Variants in PSMA5 observed in about 807,000 individuals in gnomAD.
PSMA5 encodes proteasome 20S subunit alpha 5, also known as proteasome subunit alpha type-5.
A neutral mutation model predicts 34.5 loss-of-function variants in PSMA5; 3 were observed. That is an observed-to-expected ratio of 0.09 (90% CI 0.04 to 0.22). PSMA5 has a LOEUF of 0.22. Among genes scored for constraint, PSMA5 ranks in the 10% least tolerant of loss-of-function variants. The pLI is 1.00. For synonymous variants in PSMA5, 88 were observed against 95.8 expected, an observed-to-expected ratio of 0.92 and a Z score of 0.47; for missense variants, 120 against 286.1, an observed-to-expected ratio of 0.42 and a Z score of 4.19.
At chr1:109,423,475 C>T (rs1326301904) in intron 1 of PSMA5, among the ~76,000 whole-genome samples, 1 of 152,256 alleles carries the variant, frequency 6.6e-6, no homozygotes, top group African/African-American at 2.4e-5. Context: ...TCTTTCCTAA[C>T]TAATTTAAAT....
intron 7 of PSMA5, 56 bp downstream of exon 7, chr1:109,410,955 T>C (rs1294025103): frequency 1.5e-6 from 2 of 1,297,370 alleles, no homozygotes; most frequent in East Asian, 2.5e-5. Context: ...CATTTTATTA[T>C]ATGTAAATTA....
intron 8 of PSMA5, among the ~76,000 whole-genome samples, chr1:109,402,731 G>A (rs1234862659): frequency 6.6e-6 from 1 of 152,158 alleles, no homozygotes; most frequent in African/African-American, 2.4e-5. Context: ...TTGAGATGGA[G>A]TTTCGCTCTT....
At chr1:109,415,196 C>T (rs373935462) in intron 3 of PSMA5, 41 bp downstream of exon 3, 5 of 1,595,892 alleles carry the variant, frequency 3.1e-6, no homozygotes, top group Non-Finnish European at 4.3e-6. Context: ...ACTAATTAAC[C>T]CAGACCAGAT....
intron 4 of PSMA5, 58 bp downstream of exon 4, chr1:109,413,010 T>A: frequency 7.0e-7 from 1 of 1,430,262 alleles, no homozygotes; most frequent in Non-Finnish European, 9.9e-7. Flanking sequence ...GGCAGCTAGA[T>A]AATCACTAAA....
At chr1:109,409,371 G>A (rs1008808376) in intron 8 of PSMA5, among the ~76,000 whole-genome samples, 1 of 152,060 alleles carries the variant, frequency 6.6e-6, no homozygotes, top group African/African-American at 2.4e-5. Flanking sequence ...TGGCCAGACT[G>A]GTCTCGAACT....
intron 2 of PSMA5, among the ~76,000 whole-genome samples, chr1:109,416,507 T>C (rs998340209): frequency 6.6e-6 from 1 of 152,238 alleles, no homozygotes; most frequent in African/African-American, 2.4e-5. Flanking sequence ...AAGCCTTCCA[T>C]GACTATGCTT....
chr1:109,426,096 G>C, intron 1 of PSMA5: 1 of 644,652 alleles, frequency 1.6e-6, no homozygotes, highest in Non-Finnish European at 2.7e-6. Context: ...TAGGACCCAG[G>C]GGTGACTCAG....
intron 8 of PSMA5, among the ~76,000 whole-genome samples, chr1:109,406,429 T>C (rs1259714799): frequency 1.3e-5 from 2 of 152,146 alleles, no homozygotes; most frequent in Non-Finnish European, 2.9e-5. Context: ...GTATAGTCCC[T>C]ATAATCACCT....
rs2100945415 is a variant in PSMA5, at chr1:109,399,422, T to G, written c.*2591A>C. The G allele has an allele frequency of 6.6e-6, 1 of 151,038 alleles. No individual in the cohort carries two copies. Among genetic ancestry groups the G allele is most frequent in the Middle Eastern group, 3.4e-3 (1 of 292 alleles). 9.4% of individuals were successfully genotyped at this position (151,038 alleles called of 1,614,324 possible). On this transcript the variant is annotated 3_prime_UTR_variant, in exon 9 of 9. Coordinates refer to ENST00000271308, the MANE Select transcript of PSMA5 (RefSeq NM_002790.4). The stretch of plus-strand genomic sequence containing the variant: ...ACTATGGGAGTAGATCACAAGACAG[T>G]CAGTTCCAGTAGCATGTGATTAGGT...
intron 8 of PSMA5, among the ~76,000 whole-genome samples, chr1:109,409,089 T>C (rs10745355): frequency 0.7 from 106,297 of 152,114 alleles, 37,698 homozygotes; most frequent in East Asian, 0.96. Flanking sequence ...TATCTTCTGC[T>C]GACACTAATC....
chr1:109,405,445 A>AC (rs1553203813), intron 8 of PSMA5, among the ~76,000 whole-genome samples: 3 of 108,010 alleles, frequency 2.8e-5, no homozygotes, highest in Non-Finnish European at 5.4e-5. Context: ...AAGTCAGAAA[A>AC]GGTTTTTTTT....
rs1201380207 is a variant in PSMA5 at position 109,399,130 on chromosome 1, AC to A, written c.*2882del. On this transcript the variant is annotated 3_prime_UTR_variant, in exon 9 of 9. Coordinates refer to ENST00000271308, the MANE Select transcript of PSMA5 (RefSeq NM_002790.4). ...AGAGCAAAATGATACAATGCACCCA[AC>A]CCGATATTTACATTAAAATATTTCC... 4.6e-5 allele frequency: 7 copies of A among 152,352 alleles called. No homozygotes were observed. The East Asian group carries it at 9.6e-4, about 21-fold the overall frequency. 9.4% of individuals were successfully genotyped at this position (152,352 alleles called of 1,614,324 possible). A position where few individuals can be genotyped will look rare whatever the true frequency, so the allele number is the denominator to read the frequency against.
rs1227778700 is a variant in PSMA5, at chr1:109,400,370, TC to T, written c.*1642del. The T allele has an allele frequency of 6.6e-6, 1 of 152,258 alleles. No individual in the cohort carries two copies. The highest frequency in any genetic ancestry group is 1.5e-5 in the Non-Finnish European group (1 of 68,048). The allele number at this position is 152,258 out of a possible 1,614,324, so 9.4% of individuals were successfully genotyped here. A position where few individuals can be genotyped will look rare whatever the true frequency, so the allele number is the denominator to read the frequency against. On this transcript the variant is annotated 3_prime_UTR_variant, in exon 9 of 9. Coordinates refer to ENST00000271308, the MANE Select transcript of PSMA5 (RefSeq NM_002790.4). ...ACTAGAAGTTTCACAGGAGCACAGA[TC>T]ATATCTACCATTTGAACAGCTCTCT...
chr1:109,416,450 C>A (rs1654202722), intron 2 of PSMA5, among the ~76,000 whole-genome samples: 1 of 152,232 alleles, frequency 6.6e-6, no homozygotes, highest in East Asian at 1.9e-4. Context: ...CATGCTGTCT[C>A]CCCTGGAATA....
intron 1 of PSMA5, chr1:109,425,242 A>T (rs1654608332): frequency 6.6e-6 from 1 of 152,258 alleles, no homozygotes; most frequent in South Asian, 2.1e-4. Flanking sequence ...TAAGTAACAA[A>T]GCAGTCAATA....
intron 1 of PSMA5, among the ~76,000 whole-genome samples, chr1:109,423,659 C>T (rs777654154): frequency 2.0e-5 from 3 of 152,142 alleles, no homozygotes; most frequent in Admixed American, 6.5e-5. Context: ...TCCCAACATA[C>T]GAAGTTCTAA....
intron 8 of PSMA5, 151 bp downstream of exon 8, chr1:109,409,777 T>C (rs1387752655): frequency 3.5e-6 from 2 of 575,384 alleles, no homozygotes; most frequent in Non-Finnish European, 6.2e-6. Context: ...TAACCAGGCA[T>C]GGTGTGTGCA....
chr1:109,411,154 G>T, intron 6 of PSMA5, 41 bp from the exon 7 acceptor site: 1 of 1,440,416 alleles, frequency 6.9e-7, no homozygotes, highest in Non-Finnish European at 9.7e-7. Flanking sequence ...GCTCAGGAGT[G>T]GTGGCACTTT....
At chr1:109,412,534 A>T (rs1654033432) in intron 4 of PSMA5, 1 of 190,386 alleles carries the variant, frequency 5.3e-6, no homozygotes, top group Non-Finnish European at 1.1e-5. Flanking sequence ...ATTCTTACAT[A>T]AGTACAGACA....
Sources: allele counts gnomAD v4.1 joint callset (sites outside exome capture counted in the v4.1 genomes callset), GRCh38; gene constraint gnomAD v4.1.1; transcripts MANE v1.5; gene names NCBI Gene and HGNC (gene_info 2026-07-23, HGNC 2026-07-21).